The following VNN2 variants were observed in gnomAD, a reference collection of about 807,000 sequenced individuals.
VNN2 encodes the protein pantetheine hydrolase VNN2.
Under a neutral mutation model 43.0 loss-of-function variants are expected in VNN2, and 43 were observed. The ratio of observed to expected loss-of-function variants is 1.00; its 90% CI spans 0.78 to 1.29. The LOEUF is 1.29. Among genes scored for constraint, VNN2 ranks in the 50% most tolerant of loss-of-function variants. VNN2 has a pLI of 0.00. For synonymous variants in VNN2, 230 were observed against 224.3 expected, an observed-to-expected ratio of 1.03 and a Z score of -0.23; for missense variants, 652 against 619.7, an observed-to-expected ratio of 1.05 and a Z score of -0.55.
At chr6:132,752,348 A>G in intron 4 of VNN2, 113 bp downstream of exon 4, 2 of 1,272,332 alleles carry the variant, frequency 1.6e-6, no homozygotes, top group Non-Finnish European at 2.1e-6. Flanking sequence ...TGAAACTATG[A>G]CAAACACAGT....
intron 6 of VNN2, among the ~76,000 whole-genome samples, chr6:132,748,702 G>T (rs1336707703): frequency 6.6e-6 from 1 of 152,208 alleles, no homozygotes; most frequent in Non-Finnish European, 1.5e-5. Flanking sequence ...GCAGATATAA[G>T]CCTGCAGAGT....
intron 3 of VNN2, 83 bp downstream of exon 3, chr6:132,755,760 T>C (rs1780424586): frequency 1.0e-5 from 14 of 1,358,690 alleles, no homozygotes; most frequent in African/African-American, 2.9e-5. Flanking sequence ...TTGTATCATA[T>C]AGGGAATGAA....
upstream of VNN2, among the ~76,000 whole-genome samples, chr6:132,758,461 A>G (rs143320326): frequency 6.6e-6 from 1 of 152,336 alleles, no homozygotes; most frequent in African/African-American, 2.4e-5. Context: ...TATTAGTACT[A>G]AGATTTAATA....
At chr6:132,751,065 T>C (rs1478858898) in intron 5 of VNN2, 80 bp downstream of exon 5, 2 of 1,513,062 alleles carry the variant, frequency 1.3e-6, no homozygotes, top group Middle Eastern at 1.8e-4. Context: ...GAAAAGCACC[T>C]GGTTTTCTGG....
chr6:132,753,687 C>T (rs749251207), intron 3 of VNN2: 36 of 263,646 alleles, frequency 1.4e-4, no homozygotes, highest in East Asian at 4.8e-4. Context: ...CAAGGTGGCT[C>T]ATGCCTGTAA....
intron 3 of VNN2, among the ~76,000 whole-genome samples, chr6:132,755,103 G>C (rs1780371883): frequency 6.6e-6 from 1 of 152,118 alleles, no homozygotes; most frequent in Non-Finnish European, 1.5e-5. Flanking sequence ...CCAGGAGTTT[G>C]AGGTTAACAG....
chr6:132,762,802 A>G (rs1234974543), upstream of VNN2, among the ~76,000 whole-genome samples: 2 of 152,252 alleles, frequency 1.3e-5, no homozygotes, highest in Non-Finnish European at 2.9e-5. Context: ...GAAATTGCCA[A>G]TCATCACTGT....
At chr6:132,761,454 G>T (rs915071753), upstream of VNN2, among the ~76,000 whole-genome samples, 1 of 151,770 alleles carries the variant, frequency 6.6e-6, no homozygotes, top group African/African-American at 2.4e-5. Context: ...GAGGTCAGGA[G>T]TTCGAGCCCA....
chr6:132,754,736 T>C (rs1226537204), intron 3 of VNN2, among the ~76,000 whole-genome samples: 5 of 152,246 alleles, frequency 3.3e-5, no homozygotes, highest in Non-Finnish European at 7.3e-5. Context: ...AAACATTTTA[T>C]GGTTTGATCT....
chr6:132,749,161 G>A (rs998317196), intron 6 of VNN2, among the ~76,000 whole-genome samples: 3 of 152,014 alleles, frequency 2.0e-5, no homozygotes, highest in Admixed American at 6.6e-5. Context: ...TCCTTTTGCC[G>A]TGTGATTTTA....
intron 3 of VNN2, 115 bp from the exon 4 acceptor site, chr6:132,752,864 T>G: frequency 4.3e-5 from 50 of 1,151,032 alleles, no homozygotes; most frequent in Non-Finnish European, 5.2e-5. Context: ...GGGAATCTCC[T>G]AGGAAGCGGA....
At chr6:132,758,122 A>C (rs896252958), upstream of VNN2, 54 of 366,500 alleles carry the variant, frequency 1.5e-4, no homozygotes, top group Non-Finnish European at 2.3e-4. Context: ...TCAGCTCACT[A>C]CAACTTCCAC....
chr6:132,746,389 C>T (rs1779719306), intron 6 of VNN2, among the ~76,000 whole-genome samples: 1 of 152,168 alleles, frequency 6.6e-6, no homozygotes. Flanking sequence ...TGAGAAGCTA[C>T]TCAAGAAGCC....
chr6:132,757,985 T>C, upstream of VNN2: 1 of 678,508 alleles, frequency 1.5e-6, no homozygotes, highest in Non-Finnish European at 2.2e-6. Context: ...ACTGGCCTTT[T>C]ACTTTATCAT....
At chr6:132,756,132 T>A in intron 2 of VNN2, 97 bp from the exon 3 acceptor site, 1 of 1,167,940 alleles carries the variant, frequency 8.6e-7, no homozygotes, top group Non-Finnish European at 1.2e-6. Flanking sequence ...AAGTGGAACT[T>A]AAGTTAATAC....
At chr6:132,749,988 A>C in intron 5 of VNN2, 123 bp from the exon 6 acceptor site, 1 of 945,638 alleles carries the variant, frequency 1.1e-6, no homozygotes, top group Non-Finnish European at 1.5e-6. Flanking sequence ...AGGGATTTGG[A>C]TCATGTGTCT....
chr6:132,752,925 T>C, intron 3 of VNN2, 176 bp from the exon 4 acceptor site: 1 of 637,222 alleles, frequency 1.6e-6, no homozygotes, highest in Non-Finnish European at 2.7e-6. Context: ...GAGGAATATG[T>C]AACATACGTC....
At chr6:132,758,099 CAGTGGCGCA>C, upstream of VNN2, 1 of 412,836 alleles carries the variant, frequency 2.4e-6, no homozygotes. Context: ...GGCTGGAATG[CAGTGGCGCA>C]AGCTCAGCTC....
In VNN2 at chr6:132,744,387, T is replaced by G. The variant is rs752088980; in HGVS notation, c.1476A>C (p.Ser492=). The stretch of plus-strand genomic sequence containing the variant: ...TTATTGCTGAATTGCTGGTCCCACA[T>G]GAGCTGTAAAGTGAGTCCTTTGTGT... ...RWYTKDSLYS[S]CGTSNSAITY... Residue 492 remains serine (S), a synonymous_variant, in exon 7 of 7, where the codon TCA becomes TCC. Coordinates refer to ENST00000326499, the MANE Select transcript of VNN2 (RefSeq NM_004665.6). The G allele has an allele frequency of 5.6e-6, 9 of 1,613,706 alleles. No homozygotes were observed. In the East Asian group the frequency reaches 2.0e-4, roughly 36 times the overall value.
Sources: gnomAD v4.1 joint callset for allele counts (sites outside exome capture counted in the v4.1 genomes callset) on GRCh38, gnomAD v4.1.1 for gene constraint, MANE v1.5 for transcripts, NCBI Gene and HGNC (gene_info 2026-07-23, HGNC 2026-07-21) for gene names.